Variants in NF1 observed in about 807,000 individuals in gnomAD.
NF1 encodes the protein neurofibromin.
In NF1, 122 loss-of-function variants were observed where a neutral mutation model predicts 325.7. The ratio of observed to expected loss-of-function variants is 0.37; its 90% CI spans 0.32 to 0.44. NF1 has a LOEUF of 0.44. NF1 is among the 20% of genes least tolerant of loss of function. The pLI, the probability that NF1 is intolerant of heterozygous loss-of-function variation, is 1.00. For synonymous variants in NF1, 1,091 were observed against 1,186.0 expected, an observed-to-expected ratio of 0.92 and a Z score of 1.65; for missense variants, 2,140 against 3,415.4, an observed-to-expected ratio of 0.63 and a Z score of 9.31.
intron 12 of NF1, among the ~76,000 whole-genome samples, chr17:31,212,265 C>A (rs1475600618): frequency 6.6e-6 from 1 of 152,182 alleles, no homozygotes; most frequent in African/African-American, 2.4e-5. Context: ...ACATCTGCTC[C>A]CATTGGAAGG....
chr17:31,337,354 T>G lies in NF1; in HGVS notation c.6428-14T>G. Reference sequence around the variant, plus strand: ...ATATTTTCTGTCTTTACTTGTTCCTTTATTCTCTTACAGAAGAGACCAAGC... The same window carrying G: ...ATATTTTCTGTCTTTACTTGTTCCTGTATTCTCTTACAGAAGAGACCAAGC... On this transcript the variant is annotated splice_polypyrimidine_tract_variant and intron_variant, in intron 42 of 57. Transcript: ENST00000358273. The G allele has an allele frequency of 6.3e-7, 1 of 1,594,118 alleles. No homozygotes were observed. The highest frequency in any genetic ancestry group is 8.6e-7 in the Non-Finnish European group (1 of 1,162,252).
chr17:31,187,807 C>T lies in NF1; in HGVS notation c.888+5142C>T, dbSNP rs181226983. Among the ~76,000 whole-genome samples the T allele has an allele frequency of 1.9e-4, 29 of 152,196 alleles. No individual in the cohort carries two copies. In the East Asian group the frequency reaches 5.2e-3, roughly 27 times the overall value. ...GAGGTCTTAGTTCCAGAGGGAGGAA[C>T]GCTGCCACCAGGAGACACAACAACG... On this transcript the variant is annotated intron_variant, in intron 8 of 57. Transcript: ENST00000358273.
rs528070243 is a variant in NF1 at position 31,302,777 on chromosome 17, G to A, written c.4836-23043G>A. Among the ~76,000 whole-genome samples, 276 of 152,160 alleles carry A rather than the reference G, an allele frequency of 1.8e-3. 2 individuals carry two copies. Among genetic ancestry groups the A allele is most frequent in the African/African-American group, 6.2e-3 (259 of 41,518 alleles). On this transcript the variant is annotated intron_variant, in intron 36 of 57. Coordinates refer to ENST00000358273, the MANE Select transcript of NF1 (RefSeq NM_001042492.3). ...GGAGAACCCCTTTAACGTGGGAGGC[G>A]GAGGTTGCAGTGAGCCAAGATCATG...
chr17:31,159,344 C>T (rs2065723264), intron 3 of NF1, among the ~76,000 whole-genome samples: 1 of 152,136 alleles, frequency 6.6e-6, no homozygotes, highest in South Asian at 2.1e-4. Flanking sequence ...ACGTATCTGT[C>T]TCTCAGGTTT....
intron 1 of NF1, among the ~76,000 whole-genome samples, chr17:31,120,472 C>T (rs1914329779): frequency 6.6e-6 from 1 of 152,112 alleles, no homozygotes; most frequent in Admixed American, 6.5e-5. Context: ...TGAAACTTTG[C>T]TGAAGTTGCT....
chr17:31,225,805 C>A (rs2067002974), intron 17 of NF1, among the ~76,000 whole-genome samples: 1 of 152,060 alleles, frequency 6.6e-6, no homozygotes, highest in Non-Finnish European at 1.5e-5. Flanking sequence ...TTTAATGCAA[C>A]CTTGTTAAGG....
At chr17:31,198,281 A>G (rs188795642) in intron 8 of NF1, among the ~76,000 whole-genome samples, 28 of 152,300 alleles carry the variant, frequency 1.8e-4, no homozygotes, top group African/African-American at 6.5e-4. Flanking sequence ...ATGTTGGACC[A>G]TAGAACTAAT....
intron 1 of NF1, among the ~76,000 whole-genome samples, chr17:31,134,210 CTCA>C (rs1915598454): frequency 1.3e-5 from 2 of 152,132 alleles, no homozygotes; most frequent in African/African-American, 4.8e-5. Context: ...TATATTTAAG[CTCA>C]TCAGTTTTGA....
intron 8 of NF1, chr17:31,183,057 A>T: frequency 2.3e-6 from 1 of 426,946 alleles, no homozygotes; most frequent in Non-Finnish European, 4.1e-6. Context: ...GTGCTACTGA[A>T]ATTATCTAGT....
intron 1 of NF1, among the ~76,000 whole-genome samples, chr17:31,146,056 A>G (rs1916562594): frequency 6.6e-6 from 1 of 152,246 alleles, no homozygotes; most frequent in Non-Finnish European, 1.5e-5. Context: ...CACAAACAGT[A>G]GCCTAAAACA....
intron 36 of NF1, among the ~76,000 whole-genome samples, chr17:31,278,913 C>G (rs1030860433): frequency 6.6e-6 from 1 of 152,106 alleles, no homozygotes; most frequent in African/African-American, 2.4e-5. Context: ...CCGCGCCTGG[C>G]CTTCATGTCT....
chr17:31,095,905 G>A (rs1437769273), intron 1 of NF1, among the ~76,000 whole-genome samples: 6 of 151,992 alleles, frequency 3.9e-5, no homozygotes, highest in Admixed American at 2.0e-4. Context: ...CCTGGAGGGG[G>A]AAGAGCAGAA....
chr17:31,355,977 A>G (rs1372116678), intron 51 of NF1: 8 of 156,804 alleles, frequency 5.1e-5, no homozygotes, highest in Admixed American at 1.9e-4. Context: ...TCAGGCATGC[A>G]TATCTTTTTT....
At position 31,336,437 on chromosome 17, in the gene NF1, T is replaced by C. The variant is rs876658898; in HGVS notation, c.6111T>C (p.Ala2037=). The C allele has an allele frequency of 2.5e-6, 4 of 1,614,048 alleles. No homozygotes were observed. Among genetic ancestry groups the C allele is most frequent in the Non-Finnish European group, 3.4e-6 (4 of 1,180,026 alleles). Reference sequence around the variant, plus strand: ...AGGTGATGGCAGATACTGCTGTAGCTTTGGCTTCTGGAAATGTGAAATTGG... The same window carrying C: ...AGGTGATGGCAGATACTGCTGTAGCCTTGGCTTCTGGAAATGTGAAATTGG... The part of the protein sequence containing the change: ...KAEVMADTAV[A]LASGNVKLVS... Residue 2037 remains alanine (A), a synonymous_variant, in exon 41 of 58, where the codon GCT becomes GCC. Coordinates refer to ENST00000358273, the MANE Select transcript of NF1 (RefSeq NM_001042492.3). The surrounding 1 kb of genome is among the most constrained non-coding windows in gnomAD (Gnocchi z 5.5).
Position 31,095,020 on chromosome 17 carries a change from T to C in NF1, c.-290T>C. 3 of 581,536 alleles carry C rather than the reference T, an allele frequency of 5.2e-6. No individual in the cohort carries two copies. Among genetic ancestry groups the C allele is most frequent in the Non-Finnish European group, 9.2e-6 (3 of 326,436 alleles). The allele number at this position is 581,536 out of a possible 1,614,324, so 36.0% of individuals were successfully genotyped here. ...TGGCGGCGTCTCGGACTGTGATGGC[T>C]GTGGGGAGACGGCGCTAGTGGGGAG... On this transcript the variant is annotated 5_prime_UTR_variant, in exon 1 of 58. Transcript: ENST00000358273.
intron 14 of NF1, 21 bp downstream of exon 14, chr17:31,219,139 A>G (rs763784455): frequency 2.5e-6 from 4 of 1,606,546 alleles, no homozygotes; most frequent in African/African-American, 1.3e-5. Flanking sequence ...AATGAATTCC[A>G]TGTTCTTGAA....
chr17:31,255,879 A>G (rs1296432892), intron 31 of NF1, among the ~76,000 whole-genome samples: 2 of 152,218 alleles, frequency 1.3e-5, no homozygotes, highest in African/African-American at 2.4e-5. Flanking sequence ...CATAAAAAAT[A>G]AAACAGTATT....
chr17:31,123,118 T>C (rs992308815), intron 1 of NF1, among the ~76,000 whole-genome samples: 1 of 152,180 alleles, frequency 6.6e-6, no homozygotes, highest in African/African-American at 2.4e-5. Flanking sequence ...CTCAATCCCA[T>C]GAAGGAGATG....
intron 8 of NF1, among the ~76,000 whole-genome samples, chr17:31,188,194 A>G (rs2143815914): frequency 6.6e-6 from 1 of 152,348 alleles, no homozygotes; most frequent in Non-Finnish European, 1.5e-5. Flanking sequence ...AGGCAAAGGG[A>G]ATACAGAATG....
Sources: gnomAD v4.1 joint callset for allele counts (sites outside exome capture counted in the v4.1 genomes callset) on GRCh38, gnomAD v4.1.1 for gene constraint, Gnocchi (gnomAD v3.1) non-coding constraint, MANE v1.5 for transcripts, NCBI Gene and HGNC (gene_info 2026-07-23, HGNC 2026-07-21) for gene names.